Variants in DCUN1D4 observed in about 807,000 individuals in gnomAD.
The protein encoded by DCUN1D4 is DCN1-like protein 4.
Under a neutral mutation model 47.9 loss-of-function variants are expected in DCUN1D4, and 22 were observed. The ratio of observed to expected loss-of-function variants is 0.46; its 90% CI spans 0.33 to 0.66. DCUN1D4 has a LOEUF of 0.66. Among genes scored for constraint, DCUN1D4 ranks in the 30% least tolerant of loss-of-function variants. The probability of loss-of-function intolerance (pLI) is 0.02; values close to 1 mark genes in which losing one functional copy is unlikely to be tolerated. For missense variants in DCUN1D4, 301 were observed against 340.8 expected (o/e 0.88, Z 0.92); for synonymous variants, 121 against 112.2 (o/e 1.08, Z -0.50).
chr4:51,895,992 A>G lies in DCUN1D4; in HGVS notation c.507-3278A>G, dbSNP rs543709107. 2.6e-5 allele frequency among the ~76,000 whole-genome samples: 4 copies of G among 152,250 alleles called. No homozygotes were observed. In the South Asian group the frequency reaches 8.3e-4, roughly 32 times the overall value. On this transcript the variant is annotated intron_variant, in intron 7 of 10. Coordinates refer to ENST00000334635, the MANE Select transcript of DCUN1D4 (RefSeq NM_001040402.3). ...AAGATGTGTACGTTGAGTGGCCACT[A>G]GATGGCAACCTGTGGTTCTGGACAG... is the stretch of plus-strand genomic sequence containing the variant.
chr4:51,908,563 A>T (rs772981508), intron 8 of DCUN1D4, among the ~76,000 whole-genome samples: 1 of 151,744 alleles, frequency 6.6e-6, no homozygotes, highest in African/African-American at 2.4e-5. Flanking sequence ...GAGCTTTTGG[A>T]TGTCTTTACT....
Position 51,874,405 on chromosome 4 carries a change from G to T in DCUN1D4, c.251+20G>T, listed in dbSNP as rs1194011177. 2 of 1,561,088 alleles carry T rather than the reference G, an allele frequency of 1.3e-6. No homozygotes were observed. Among genetic ancestry groups the T allele is most frequent in the Non-Finnish European group, 1.8e-6 (2 of 1,137,660 alleles). On this transcript the variant is annotated intron_variant, in intron 4 of 10. Coordinates refer to ENST00000334635, the MANE Select transcript of DCUN1D4 (RefSeq NM_001040402.3). The stretch of plus-strand genomic sequence containing the variant: ...TGATAGGTATGATGTAGAGACAGTA[G>T]ATCAGAATCAGTGATACATATGTCG...
At chr4:51,853,878 C>T (rs576207487) in intron 1 of DCUN1D4, among the ~76,000 whole-genome samples, 3 of 152,328 alleles carry the variant, frequency 2.0e-5, no homozygotes, top group African/African-American at 2.4e-5. Context: ...CCTTCCTGCT[C>T]GCCTATGACA....
chr4:51,905,978 A>G (rs193042658), intron 8 of DCUN1D4, among the ~76,000 whole-genome samples: 1 of 152,278 alleles, frequency 6.6e-6, no homozygotes, highest in African/African-American at 2.4e-5. Flanking sequence ...ACTGCTAGAG[A>G]GGGAGAGAAA....
rs1031945157 is a variant in DCUN1D4, at chr4:51,916,636, C to G, written c.*3052C>G. ...ATTGGGGGTTACTGTTCAATGACAG[C>G]AGGTAACCTATAACTGTGAATGCTT... On this transcript the variant is annotated 3_prime_UTR_variant, in exon 11 of 11. Coordinates refer to ENST00000334635, the MANE Select transcript of DCUN1D4 (RefSeq NM_001040402.3). The G allele has an allele frequency of 1.3e-5, 2 of 152,488 alleles. No individual in the cohort carries two copies. The highest frequency in any genetic ancestry group is 4.8e-5 in the African/African-American group (2 of 41,420). The allele number at this position is 152,488 out of a possible 1,614,324, so 9.4% of individuals were successfully genotyped here.
At chr4:51,895,737 C>A (rs1731170155) in intron 7 of DCUN1D4, among the ~76,000 whole-genome samples, 1 of 152,080 alleles carries the variant, frequency 6.6e-6, no homozygotes, top group African/African-American at 2.4e-5. Context: ...TCTGTCCTTA[C>A]AAATCTGTTA....
chr4:51,900,541 CT>C (rs771585289), intron 8 of DCUN1D4, among the ~76,000 whole-genome samples: 66 of 152,114 alleles, frequency 4.3e-4, no homozygotes, highest in Non-Finnish European at 9.4e-4. Flanking sequence ...TGAGACCAGC[CT>C]GGGTAACATA....
At chr4:51,899,477 T>G in intron 8 of DCUN1D4, 99 bp downstream of exon 8, 1 of 1,482,490 alleles carries the variant, frequency 6.7e-7, no homozygotes, top group Non-Finnish European at 8.9e-7. Context: ...CAAAAAAACT[T>G]GAATAAGTTA....
intron 3 of DCUN1D4, 89 bp downstream of exon 3, chr4:51,863,798 A>C: frequency 7.4e-7 from 1 of 1,342,916 alleles, no homozygotes; most frequent in Non-Finnish European, 1.0e-6. Flanking sequence ...CTATGTTGTC[A>C]TAATGTACTC....
chr4:51,909,635 A>G (rs1265862131), intron 8 of DCUN1D4, among the ~76,000 whole-genome samples: 3 of 152,198 alleles, frequency 2.0e-5, no homozygotes, highest in Admixed American at 6.5e-5. Flanking sequence ...CATATGGCCA[A>G]GGGACAGGCA....
intron 6 of DCUN1D4, among the ~76,000 whole-genome samples, chr4:51,891,282 T>C (rs796216920): frequency 2.6e-5 from 4 of 152,390 alleles, no homozygotes; most frequent in African/African-American, 9.6e-5. Context: ...TTCCTTTATA[T>C]GGAATGTATT....
rs1167724414 is a variant in DCUN1D4 at position 51,874,304 on chromosome 4, T to G, written c.170T>G (p.Phe57Cys). Residue 57 changes from phenylalanine (F) to cysteine (C), a missense_variant, in exon 4 of 11, where the codon TTT (phenylalanine) becomes TGT (cysteine). Coordinates refer to ENST00000334635, the MANE Select transcript of DCUN1D4 (RefSeq NM_001040402.3). ...SLRSCSSSDC[F>C]NKVMPPRKKR... Reference sequence around the variant, plus strand: ...CGGTCTTGCAGTTCTTCAGACTGCTTTAATAAAGTGATGCCACCAAGGAAA... The same window carrying G: ...CGGTCTTGCAGTTCTTCAGACTGCTGTAATAAAGTGATGCCACCAAGGAAA... The G allele has an allele frequency of 6.2e-7, 1 of 1,613,390 alleles. No homozygotes were observed. The highest frequency in any genetic ancestry group is 8.5e-7 in the Non-Finnish European group (1 of 1,179,838).
At chr4:51,910,847 A>G (rs865991772) in intron 8 of DCUN1D4, 25 of 550,736 alleles carry the variant, frequency 4.5e-5, no homozygotes, top group Middle Eastern at 9.3e-4. Flanking sequence ...TTCAGTTGAC[A>G]TAAATCTTTC....
chr4:51,847,623 T>C (rs1404939861), intron 1 of DCUN1D4, among the ~76,000 whole-genome samples: 2 of 152,042 alleles, frequency 1.3e-5, no homozygotes, highest in East Asian at 3.9e-4. Context: ...TCTTTCTTTT[T>C]TGTTTTTTTT....
intron 6 of DCUN1D4, among the ~76,000 whole-genome samples, chr4:51,888,602 G>A (rs2110053004): frequency 6.6e-6 from 1 of 151,730 alleles, no homozygotes; most frequent in East Asian, 2.0e-4. Context: ...TTAGCCAGGT[G>A]TGGCTACTTA....
intron 7 of DCUN1D4, among the ~76,000 whole-genome samples, chr4:51,894,268 T>C (rs1043654108): frequency 6.6e-6 from 1 of 152,164 alleles, no homozygotes; most frequent in Non-Finnish European, 1.5e-5. Context: ...TTTAAGGTTC[T>C]TTGTAGTGTC....
rs1733988384 is a variant in DCUN1D4, at chr4:51,913,391, A to T, written c.822A>T (p.Ala274=). The T allele has an allele frequency of 6.2e-7, 1 of 1,609,144 alleles. No homozygotes were observed. The highest frequency in any genetic ancestry group is 8.5e-7 in the Non-Finnish European group (1 of 1,176,128). Residue 274 remains alanine, a splice_region_variant and synonymous_variant, in exon 10 of 11, where the codon GCA becomes GCT. Coordinates refer to ENST00000334635, the MANE Select transcript of DCUN1D4 (RefSeq NM_001040402.3). ...TCAGCAACTATGATGAAGATGGAGCATGTAAGTACTGCCGCTACCATTCTG... is the reference window on the plus strand; with the variant it reads ...TCAGCAACTATGATGAAGATGGAGCTTGTAAGTACTGCCGCTACCATTCTG... ...LDLSNYDEDG[A]WPVLLDEFVE... is the part of the protein sequence containing the mutation.
chr4:51,836,316 C>G, the DCUN1D4 span, among the ~76,000 whole-genome samples: 1 of 152,082 alleles, frequency 6.6e-6, no homozygotes, highest in Non-Finnish European at 1.5e-5. Context: ...TTGCTTTAAC[C>G]TGTCTTAGCT....
chr4:51,843,909 G>A (rs938316032), intron 1 of DCUN1D4, among the ~76,000 whole-genome samples: 3 of 149,340 alleles, frequency 2.0e-5, no homozygotes, highest in African/African-American at 7.4e-5. Context: ...AAAGCGAGGT[G>A]GTGGGAGGGA....
Sources: allele counts gnomAD v4.1 joint callset (sites outside exome capture counted in the v4.1 genomes callset), GRCh38; gene constraint gnomAD v4.1.1; transcripts MANE v1.5; gene names NCBI Gene and HGNC (gene_info 2026-07-23, HGNC 2026-07-21).